The following CCDC171 variants were observed in gnomAD, a reference collection of about 807,000 sequenced individuals.
CCDC171 encodes the protein coiled-coil domain containing 171, also known as coiled-coil domain-containing protein 171.
Under a neutral mutation model 168.2 loss-of-function variants are expected in CCDC171, and 177 were observed. The ratio of observed to expected loss-of-function variants is 1.05; its 90% CI spans 0.93 to 1.19. CCDC171 has a LOEUF of 1.19. Ranked by LOEUF, CCDC171 falls within the 50% of genes most tolerant of loss-of-function variation. CCDC171 has a pLI of 0.00. For synonymous variants in CCDC171, 687 were observed against 540.8 expected, an observed-to-expected ratio of 1.27 and a Z score of -3.75; for missense variants, 1,991 against 1,539.0, an observed-to-expected ratio of 1.29 and a Z score of -4.91.
chr9:15,824,859 A>ACTATTATGAAGGGG (rs1229077886), intron 21 of CCDC171, among the ~76,000 whole-genome samples: 1 of 152,058 alleles, frequency 6.6e-6, no homozygotes, highest in Non-Finnish European at 1.5e-5. Flanking sequence ...GGTTCATGGT[A>ACTATTATGAAGGGG]CTATTATGAA....
At chr9:15,641,729 T>C (rs544067402) in intron 7 of CCDC171, among the ~76,000 whole-genome samples, 1 of 152,286 alleles carries the variant, frequency 6.6e-6, no homozygotes, top group East Asian at 1.9e-4. Context: ...TTTAGTGAGA[T>C]ATAAATTACA....
At chr9:15,629,758 T>C (rs1366161678) in intron 7 of CCDC171, among the ~76,000 whole-genome samples, 2 of 151,966 alleles carry the variant, frequency 1.3e-5, no homozygotes, top group East Asian at 3.9e-4. Flanking sequence ...AAGGAAAAAA[T>C]GTTAAGGGCA....
chr9:15,753,420 T>C (rs1307991639), intron 18 of CCDC171, among the ~76,000 whole-genome samples: 1 of 152,162 alleles, frequency 6.6e-6, no homozygotes, highest in East Asian at 1.9e-4. Flanking sequence ...AGATAGTGAT[T>C]AATAAAGGAT....
intron 3 of CCDC171, among the ~76,000 whole-genome samples, chr9:15,983,169 C>G (rs1409742211): frequency 6.6e-6 from 1 of 151,892 alleles, no homozygotes. Context: ...TTTTCAGAAC[C>G]CCCTTCCCCT....
chr9:15,586,001 G>C (rs1187157867), intron 4 of CCDC171, among the ~76,000 whole-genome samples: 1 of 151,994 alleles, frequency 6.6e-6, no homozygotes, highest in Non-Finnish European at 1.5e-5. Flanking sequence ...AAAACTCCTT[G>C]AACAGTACAC....
the CCDC171 span, among the ~76,000 whole-genome samples, chr9:16,106,419 A>G: frequency 2.0e-5 from 3 of 152,164 alleles, no homozygotes; most frequent in African/African-American, 7.2e-5. Flanking sequence ...AATGCTCCAG[A>G]ATGTGAAGCC....
chr9:15,963,113 T>A (rs564382327), intron 25 of CCDC171, among the ~76,000 whole-genome samples: 3 of 152,202 alleles, frequency 2.0e-5, no homozygotes, highest in African/African-American at 7.2e-5. Context: ...TTCTCACTCA[T>A]AGGTGGGAAT....
chr9:16,009,692 A>T (rs532900447), intron 3 of CCDC171, among the ~76,000 whole-genome samples: 1 of 152,332 alleles, frequency 6.6e-6, no homozygotes, highest in Admixed American at 6.5e-5. Flanking sequence ...TGCCTTTAAC[A>T]AGAATGATGT....
chr9:15,562,285 C>T (rs769524777), intron 1 of CCDC171, among the ~76,000 whole-genome samples: 4 of 152,080 alleles, frequency 2.6e-5, no homozygotes, highest in African/African-American at 4.8e-5. Context: ...TGACCCACCG[C>T]GCCTGGCCTG....
chr9:16,073,721 G>C, the CCDC171 span, among the ~76,000 whole-genome samples: 5 of 152,162 alleles, frequency 3.3e-5, no homozygotes, highest in Non-Finnish European at 5.9e-5. Flanking sequence ...TTTGAGAGAG[G>C]CCCCATGTCA....
the CCDC171 span, among the ~76,000 whole-genome samples, chr9:16,073,678 G>A: frequency 6.6e-6 from 1 of 152,166 alleles, no homozygotes; most frequent in African/African-American, 2.4e-5. Context: ...CTGTTGGGTG[G>A]CAAACCTCAC....
intron 1 of CCDC171, among the ~76,000 whole-genome samples, chr9:16,053,789 G>A (rs1833790113): frequency 6.6e-6 from 1 of 152,204 alleles, no homozygotes; most frequent in African/African-American, 2.4e-5. Flanking sequence ...CATTTCACAG[G>A]CTTTGCAGAG....
intron 23 of CCDC171, among the ~76,000 whole-genome samples, chr9:15,860,936 A>ATGTGTG (rs770617574): frequency 0.014 from 2,028 of 144,238 alleles, 26 homozygotes; most frequent in Middle Eastern, 0.035. Context: ...GTTGTTAGGG[A>ATGTGTG]TGTGTGTGTG....
chr9:15,881,517 A>T (rs1378706580), intron 24 of CCDC171, among the ~76,000 whole-genome samples: 1 of 152,188 alleles, frequency 6.6e-6, no homozygotes, highest in Non-Finnish European at 1.5e-5. Flanking sequence ...TAAAAATACA[A>T]AATAGATTAT....
intron 7 of CCDC171, among the ~76,000 whole-genome samples, chr9:15,656,101 C>T (rs1309790133): frequency 6.6e-6 from 1 of 152,056 alleles, no homozygotes; most frequent in African/African-American, 2.4e-5. Context: ...GGGCAGATCA[C>T]GAGGTCAGGA....
intron 21 of CCDC171, among the ~76,000 whole-genome samples, chr9:15,812,834 C>G (rs1223923377): frequency 6.6e-6 from 1 of 152,154 alleles, no homozygotes; most frequent in Admixed American, 6.5e-5. Flanking sequence ...GCTGTGCGTT[C>G]CCTGTCCCCA....
chr9:15,770,992 A>G (rs74345234), intron 18 of CCDC171, among the ~76,000 whole-genome samples: 2,289 of 152,294 alleles, frequency 0.015, 69 homozygotes, highest in African/African-American at 0.052. Flanking sequence ...CTCCCACTCA[A>G]TGGATAATGA....
intron 6 of CCDC171, among the ~76,000 whole-genome samples, chr9:15,603,182 C>T (rs915970497): frequency 2.0e-5 from 3 of 151,976 alleles, no homozygotes; most frequent in African/African-American, 4.8e-5. Flanking sequence ...GACAGGGTTT[C>T]ACCGTGTTAG....
At chr9:15,950,067 T>G (rs900866164) in intron 25 of CCDC171, among the ~76,000 whole-genome samples, 1 of 151,862 alleles carries the variant, frequency 6.6e-6, no homozygotes, top group Non-Finnish European at 1.5e-5. Context: ...AGAAGGGAAG[T>G]TTAGACGAAA....
Sources: gnomAD v4.1 joint callset for allele counts (sites outside exome capture counted in the v4.1 genomes callset) on GRCh38, gnomAD v4.1.1 for gene constraint, MANE v1.5 for transcripts, NCBI Gene and HGNC (gene_info 2026-07-23, HGNC 2026-07-21) for gene names.